SUCLG2: variants seen among roughly 807,000 people sequenced by gnomAD.
The protein encoded by SUCLG2 is succinate-CoA ligase GDP-forming subunit beta, also known as succinate--CoA ligase [GDP-forming] subunit beta, mitochondrial.
A neutral mutation model predicts 47.9 loss-of-function variants in SUCLG2; 42 were observed. The observed-to-expected ratio is 0.88, with a 90% CI of 0.69 to 1.14. The LOEUF is 1.14. Among genes scored for constraint, SUCLG2 ranks in the 50% most tolerant of loss-of-function variants. The probability of loss-of-function intolerance (pLI) is 0.00; values close to 1 mark genes in which losing one functional copy is unlikely to be tolerated. For missense variants in SUCLG2, 571 were observed against 525.9 expected, an observed-to-expected ratio of 1.09 and a Z score of -0.84; for synonymous variants, 195 against 197.3, an observed-to-expected ratio of 0.99 and a Z score of 0.10.
intron 9 of SUCLG2, among the ~76,000 whole-genome samples, chr3:67,407,023 C>T (rs762223399): frequency 1.1e-4 from 16 of 152,152 alleles, no homozygotes; most frequent in Non-Finnish European, 1.9e-4. Flanking sequence ...GGATCGACAA[C>T]ATCTTGCTTT....
intron 10 of SUCLG2, among the ~76,000 whole-genome samples, chr3:67,397,759 A>C (rs1702580426): frequency 6.6e-6 from 1 of 152,244 alleles, no homozygotes; most frequent in Admixed American, 6.5e-5. Flanking sequence ...ACGCTACCTC[A>C]GTTGAAACTA....
chr3:67,584,540 G>A (rs1337088070), intron 2 of SUCLG2, among the ~76,000 whole-genome samples: 1 of 152,108 alleles, frequency 6.6e-6, no homozygotes, highest in African/African-American at 2.4e-5. Flanking sequence ...TGTTTTTGAG[G>A]TTCATTCATG....
intron 1 of SUCLG2, among the ~76,000 whole-genome samples, chr3:67,648,243 C>A (rs565084222): frequency 3.3e-5 from 5 of 152,198 alleles, no homozygotes; most frequent in East Asian, 3.9e-4. Context: ...GAATTTGAAC[C>A]CAGACTTCGT....
rs150427513 is a variant in SUCLG2 at position 67,539,127 on chromosome 3, G to A, written c.227-9941C>T. Among the ~76,000 whole-genome samples the A allele has an allele frequency of 4.4e-3, 677 of 152,224 alleles. 8 individuals carry two copies. In the East Asian group the frequency reaches 0.054, roughly 12 times the overall value. On this transcript the variant is annotated intron_variant, in intron 2 of 10. Coordinates refer to ENST00000307227, the MANE Select transcript of SUCLG2 (RefSeq NM_003848.4). ...AGGAGTGGTGAGAGAGGGCATCCTT[G>A]TCTTGTGCCAATTTTCAAAGGAAAT...
Position 67,446,417 on chromosome 3 carries a change from A to ATTTT in SUCLG2, c.1063-45570_1063-45567dup, listed in dbSNP as rs750956324. 5.9e-4 allele frequency among the ~76,000 whole-genome samples: 19 copies of ATTTT among 32,186 alleles called. 1 individual carries two copies. Among genetic ancestry groups the ATTTT allele is most frequent in the African/African-American group, 1.4e-3 (11 of 7,652 alleles). The allele number at this position is 32,186 out of a possible 152,430, so 21.1% of individuals were successfully genotyped here. A position where few individuals can be genotyped will look rare whatever the true frequency, so the allele number is the denominator to read the frequency against. On this transcript the variant is annotated intron_variant, in intron 9 of 10. Transcript: ENST00000307227. ...GGTATCTAAATATGTACATATGTACATTTTTTTTTTTTTTTTTTTTTTTTT... is the reference window on the plus strand; with the variant it reads ...GGTATCTAAATATGTACATATGTACATTTTTTTTTTTTTTTTTTTTTTTTTTTTT...
At chr3:67,613,545 A>T (rs929983655) in intron 1 of SUCLG2, among the ~76,000 whole-genome samples, 12 of 152,214 alleles carry the variant, frequency 7.9e-5, no homozygotes, top group African/African-American at 2.9e-4. Context: ...GAATGGCAAC[A>T]TTCAAGATGG....
chr3:67,373,187 A>C (rs1176683863), downstream of SUCLG2, among the ~76,000 whole-genome samples: 1 of 152,166 alleles, frequency 6.6e-6, no homozygotes, highest in Non-Finnish European at 1.5e-5. Flanking sequence ...TATTTACTTT[A>C]GTAATGTGAA....
intron 5 of SUCLG2, 85 bp downstream of exon 5, chr3:67,520,397 C>T (rs540564344): frequency 2.5e-6 from 4 of 1,579,678 alleles, no homozygotes; most frequent in Non-Finnish European, 3.5e-6. Context: ...ATTTAGTGCT[C>T]CTGGCCTTAG....
At chr3:67,558,039 A>G (rs1290813982) in intron 2 of SUCLG2, among the ~76,000 whole-genome samples, 4 of 152,144 alleles carry the variant, frequency 2.6e-5, no homozygotes, top group African/African-American at 9.7e-5. Context: ...TGCACCATCC[A>G]TTATTAATGC....
intron 4 of SUCLG2, among the ~76,000 whole-genome samples, chr3:67,523,240 T>C (rs866211875): frequency 6.6e-6 from 1 of 152,206 alleles, no homozygotes; most frequent in Admixed American, 6.5e-5. Context: ...TAAAAAGCTA[T>C]AATGGAATGA....
chr3:67,591,298 TA>T lies in SUCLG2; in HGVS notation c.226+18156del, dbSNP rs1169028411. 1.8e-3 allele frequency among the ~76,000 whole-genome samples: 276 copies of T among 152,248 alleles called. 6 individuals carry two copies. The highest frequency in any genetic ancestry group is 1.9e-4 in the Non-Finnish European group (13 of 68,014). On this transcript the variant is annotated intron_variant, in intron 2 of 10. Coordinates refer to ENST00000307227, the MANE Select transcript of SUCLG2 (RefSeq NM_003848.4). ...AAATGAGCTGGCAGGTGGGTTAGGG[TA>T]TAGCAGTAGATGAAACAGACTCTGC...
chr3:67,478,434 C>T (rs900859043), intron 9 of SUCLG2, among the ~76,000 whole-genome samples: 1 of 152,238 alleles, frequency 6.6e-6, no homozygotes, highest in African/African-American at 2.4e-5. Context: ...GAAGTGCAAG[C>T]TCTCAATCAA....
chr3:67,570,298 C>T (rs1707570406), intron 2 of SUCLG2, among the ~76,000 whole-genome samples: 1 of 152,220 alleles, frequency 6.6e-6, no homozygotes, highest in African/African-American at 2.4e-5. Context: ...CTGCCATTTA[C>T]ATTCTCCCTG....
intron 1 of SUCLG2, among the ~76,000 whole-genome samples, chr3:67,633,666 T>C (rs1446521675): frequency 6.6e-6 from 1 of 152,194 alleles, no homozygotes; most frequent in East Asian, 1.9e-4. Context: ...CTATGTTCAA[T>C]AAGTTTACCT....
At chr3:67,447,129 A>T (rs990110499) in intron 9 of SUCLG2, among the ~76,000 whole-genome samples, 1 of 152,240 alleles carries the variant, frequency 6.6e-6, no homozygotes, top group Non-Finnish European at 1.5e-5. Context: ...ACTGAAAAAC[A>T]TGCTAAAATT....
chr3:67,639,940 C>G (rs1328702346), intron 1 of SUCLG2, among the ~76,000 whole-genome samples: 2 of 152,172 alleles, frequency 1.3e-5, no homozygotes, highest in African/African-American at 4.8e-5. Context: ...ATACCAGTAT[C>G]AGTTTATTTA....
At chr3:67,634,176 T>C (rs114288563) in intron 1 of SUCLG2, among the ~76,000 whole-genome samples, 143 of 152,306 alleles carry the variant, frequency 9.4e-4, no homozygotes, top group African/African-American at 3.2e-3. Context: ...TATATTGCAG[T>C]GCTCAGTGTC....
intron 9 of SUCLG2, among the ~76,000 whole-genome samples, chr3:67,444,000 G>A (rs1241036204): frequency 4.9e-5 from 6 of 121,534 alleles, no homozygotes; most frequent in East Asian, 3.2e-4. Context: ...CGCCCCATCC[G>A]GGAGGGAGGT....
chr3:67,535,551 T>C (rs1706516987), intron 2 of SUCLG2, among the ~76,000 whole-genome samples: 1 of 152,114 alleles, frequency 6.6e-6, no homozygotes, highest in Non-Finnish European at 1.5e-5. Context: ...CGATCCCTTA[T>C]GAATAGATTA....
Sources: allele counts gnomAD v4.1 joint callset (sites outside exome capture counted in the v4.1 genomes callset), GRCh38; gene constraint gnomAD v4.1.1; transcripts MANE v1.5; gene names NCBI Gene and HGNC (gene_info 2026-07-23, HGNC 2026-07-21).